TOP1: variants seen among roughly 807,000 people sequenced by gnomAD.
TOP1 encodes the protein DNA topoisomerase I.
In TOP1, 10 loss-of-function variants were observed where a neutral mutation model predicts 111.1. The observed-to-expected ratio is 0.09, with a 90% confidence interval of 0.06 to 0.15. TOP1 has a LOEUF of 0.15. Ranked by LOEUF, TOP1 falls within the 10% of genes least tolerant of loss-of-function variation. TOP1 has a pLI of 1.00. For missense variants in TOP1, 474 were observed against 926.7 expected (o/e 0.51, Z 6.34); for synonymous variants, 271 against 302.9 (o/e 0.89, Z 1.10).
At position 41,098,274 on chromosome 20, in the gene TOP1, G is replaced by C. The variant is rs2034010110; in HGVS notation, c.912G>C (p.Gln304His). ...ITNLSKCDFT[Q>H]MSQYFKAQTE... ...ACCTAAGCAAATGTGATTTTACCCA[G>C]ATGAGCCAGTATTTCAAAGCCCAGA... Residue 304 changes from glutamine to histidine, a missense_variant, in exon 11 of 21, where the codon CAG (glutamine) becomes CAC (histidine). Gln to His is a conservative substitution (Grantham distance 24). Transcript: ENST00000361337. The surrounding 1 kb of genome is among the most constrained non-coding windows in gnomAD (Gnocchi z 5.7). The C allele has an allele frequency of 1.2e-6, 2 of 1,613,966 alleles. No homozygotes were observed. Among genetic ancestry groups the C allele is most frequent in the East Asian group, 4.5e-5 (2 of 44,866 alleles).
Position 41,078,320 on chromosome 20 carries a change from G to A in TOP1, c.335+683G>A, listed in dbSNP as rs568662750. ...GTCCCCTCTAGTTTCGAAACAACTA[G>A]ATGTTTATTGTTACATATTCTCACT... is the stretch of plus-strand genomic sequence containing the variant. On this transcript the variant is annotated intron_variant, in intron 5 of 20. Transcript: ENST00000361337. The surrounding 1 kb of genome is among the most constrained non-coding windows in gnomAD (Gnocchi z 5.3). Among the ~76,000 whole-genome samples the A allele has an allele frequency of 6.6e-6, 1 of 152,146 alleles. No homozygotes were observed. Among genetic ancestry groups the A allele is most frequent in the African/African-American group, 2.4e-5 (1 of 41,424 alleles).
rs987923902 is a variant in TOP1, at chr20:41,121,439, C to T, written c.1951-257C>T. On this transcript the variant is annotated intron_variant, in intron 18 of 20. Coordinates refer to ENST00000361337, the MANE Select transcript of TOP1 (RefSeq NM_003286.4). This position sits in a 1 kb window ranked among gnomAD's most constrained non-coding sequence, Gnocchi z 4.2. ...TCAGCACCCAGATTCCCAGCCCCAG[C>T]GGGTTCCTTTCCCTGAGCCCCTAGG... 6.6e-6 allele frequency among the ~76,000 whole-genome samples: 1 copy of T among 152,226 alleles called. No homozygotes were observed. Among genetic ancestry groups the T allele is most frequent in the Non-Finnish European group, 1.5e-5 (1 of 68,032 alleles).
At chr20:41,091,826 AG>A (rs1326434757) in intron 8 of TOP1, among the ~76,000 whole-genome samples, 5 of 152,034 alleles carry the variant, frequency 3.3e-5, no homozygotes, top group Non-Finnish European at 5.9e-5. Context: ...GGCCTCCCAA[AG>A]TGCTGGGATT....
intron 3 of TOP1, among the ~76,000 whole-genome samples, chr20:41,062,688 T>C (rs1000850649): frequency 6.6e-6 from 1 of 152,200 alleles, no homozygotes; most frequent in African/African-American, 2.4e-5. Flanking sequence ...TAAATGTTTA[T>C]CCACTAACGT....
Position 41,028,878 on chromosome 20 carries a change from G to C in TOP1, c.-190G>C, listed in dbSNP as rs934545899. On this transcript the variant is annotated 5_prime_UTR_variant, in exon 1 of 21. Transcript: ENST00000361337. ...TGGGGTCTGTTCTCGCCGCCCGCCC[G>C]GCAGTCAGGCAGCGTCGCCGCCGTG... The C allele has an allele frequency of 5.4e-6, 3 of 559,926 alleles. No individual in the cohort carries two copies. Among genetic ancestry groups the C allele is most frequent in the Non-Finnish European group, 9.4e-6 (3 of 318,552 alleles). 34.7% of individuals were successfully genotyped at this position (559,926 alleles called of 1,614,324 possible). A position where few individuals can be genotyped will look rare whatever the true frequency, so the allele number is the denominator to read the frequency against.
chr20:41,121,570 G>GTTT lies in TOP1; in HGVS notation c.1951-119_1951-117dup. 1.4e-6 allele frequency: 1 copy of GTTT among 740,700 alleles called. No homozygotes were observed. Among genetic ancestry groups the GTTT allele is most frequent in the Non-Finnish European group, 2.4e-6 (1 of 421,850 alleles). 45.9% of individuals were successfully genotyped at this position (740,700 alleles called of 1,614,324 possible). On this transcript the variant is annotated intron_variant, in intron 18 of 20. Transcript: ENST00000361337. This position sits in a 1 kb window ranked among gnomAD's most constrained non-coding sequence, Gnocchi z 4.2. ...TCCCTGCCTTCATGAAGCCACCCTTGTTTTTTTTTATCTGACAAACCACTG... is the reference window on the plus strand; with the variant it reads ...TCCCTGCCTTCATGAAGCCACCCTTGTTTTTTTTTTTTATCTGACAAACCACTG...
At chr20:41,054,606 GCATGGTGCTGGCA>G (rs1423378820) in intron 2 of TOP1, among the ~76,000 whole-genome samples, 1 of 152,218 alleles carries the variant, frequency 6.6e-6, no homozygotes, top group East Asian at 1.9e-4. Context: ...AAGCACGCTA[GCATGGTGCTGGCA>G]CCCGTATTAG....
intron 3 of TOP1, among the ~76,000 whole-genome samples, chr20:41,064,631 G>C (rs1220427209): frequency 6.6e-6 from 1 of 152,086 alleles, no homozygotes; most frequent in Non-Finnish European, 1.5e-5. Flanking sequence ...CATGCTGTTG[G>C]TTCTGTAATA....
chr20:41,039,886 G>A (rs942284030), intron 2 of TOP1, among the ~76,000 whole-genome samples: 8 of 151,900 alleles, frequency 5.3e-5, no homozygotes, highest in Non-Finnish European at 8.8e-5. Context: ...CAGCCTGGGC[G>A]TCAGAGCGAG....
At chr20:41,031,803 ATAAAAAGCCACAAATCTCTATT>A (rs2033123277) in intron 2 of TOP1, among the ~76,000 whole-genome samples, 1 of 151,740 alleles carries the variant, frequency 6.6e-6, no homozygotes, top group African/African-American at 2.4e-5. Flanking sequence ...GCATGAAAAA[ATAAAAAGCCACAAATCTCTATT>A]TTCTTACAGA....
At chr20:41,087,601 T>G in intron 8 of TOP1, among the ~76,000 whole-genome samples, 1 of 152,192 alleles carries the variant, frequency 6.6e-6, no homozygotes, top group East Asian at 1.9e-4. Flanking sequence ...GGTAAGAAAT[T>G]TATGGAATAT....
Position 41,078,142 on chromosome 20 carries a change from A to G in TOP1, c.335+505A>G, listed in dbSNP as rs1460730004. ...ATATATAAAAGATCATTTGACCTAC[A>G]TGTTAGGGATGAGTGTAGATTTGGG... On this transcript the variant is annotated intron_variant, in intron 5 of 20. Transcript: ENST00000361337. The surrounding 1 kb of genome is among the most constrained non-coding windows in gnomAD (Gnocchi z 5.3). 6.6e-6 allele frequency among the ~76,000 whole-genome samples: 1 copy of G among 152,096 alleles called. No homozygotes were observed. Among genetic ancestry groups the G allele is most frequent in the Non-Finnish European group, 1.5e-5 (1 of 68,018 alleles).
At chr20:41,038,005 A>G (rs186359227) in intron 2 of TOP1, among the ~76,000 whole-genome samples, 371 of 152,320 alleles carry the variant, frequency 2.4e-3, no homozygotes, top group African/African-American at 8.6e-3. Context: ...ATGGGGAAAA[A>G]AATCTGGGAA....
At chr20:41,075,117 C>CTGT (rs531496328) in intron 3 of TOP1, among the ~76,000 whole-genome samples, 22 of 151,796 alleles carry the variant, frequency 1.4e-4, no homozygotes, top group South Asian at 1.3e-3. Flanking sequence ...TTGTTTTTTT[C>CTGT]TGTTGTTGTT....
chr20:41,067,341 G>A lies in TOP1; in HGVS notation c.155+5851G>A, dbSNP rs1369222166. Among the ~76,000 whole-genome samples the A allele has an allele frequency of 1.3e-5, 2 of 151,440 alleles. No homozygotes were observed. Reference sequence around the variant, plus strand: ...TCACCATATTGGCCAGGCTGGTCTCGAACTCCTGGCCTTGTGATCCTCCTG... The same window carrying A: ...TCACCATATTGGCCAGGCTGGTCTCAAACTCCTGGCCTTGTGATCCTCCTG... On this transcript the variant is annotated intron_variant, in intron 3 of 20. Coordinates refer to ENST00000361337, the MANE Select transcript of TOP1 (RefSeq NM_003286.4). The surrounding 1 kb of genome is among the most constrained non-coding windows in gnomAD (Gnocchi z 4.0).
intron 13 of TOP1, among the ~76,000 whole-genome samples, chr20:41,111,872 T>A (rs929265706): frequency 6.6e-6 from 1 of 152,114 alleles, no homozygotes; most frequent in African/African-American, 2.4e-5. Context: ...ATTTCTTGAA[T>A]TTTTTTCCCC....
At chr20:41,037,205 G>T (rs2033200334) in intron 2 of TOP1, among the ~76,000 whole-genome samples, 1 of 152,104 alleles carries the variant, frequency 6.6e-6, no homozygotes. Context: ...CAGAAGATGG[G>T]CTCAGAAATG....
intron 2 of TOP1, among the ~76,000 whole-genome samples, chr20:41,052,091 A>G (rs1368082477): frequency 6.6e-6 from 1 of 152,238 alleles, no homozygotes; most frequent in Non-Finnish European, 1.5e-5. Flanking sequence ...TATCTAGTAC[A>G]TGATGGACAG....
In TOP1 at chr20:41,115,571, C is replaced by CT. The variant is rs2034316045; in HGVS notation, c.1707+133dup. 1.6e-6 allele frequency: 1 copy of CT among 631,754 alleles called. No individual in the cohort carries two copies. The allele number at this position is 631,754 out of a possible 1,614,324, so 39.1% of individuals were successfully genotyped here. The stretch of plus-strand genomic sequence containing the variant: ...CCTGCTCTGTGGCATCCCATACACT[C>CT]TCTCTTCCTCCCTCTGAGTCCACGG... On this transcript the variant is annotated intron_variant, in intron 16 of 20. Coordinates refer to ENST00000361337, the MANE Select transcript of TOP1 (RefSeq NM_003286.4). This position sits in a 1 kb window ranked among gnomAD's most constrained non-coding sequence, Gnocchi z 6.3.
Sources: allele counts gnomAD v4.1 joint callset (sites outside exome capture counted in the v4.1 genomes callset), GRCh38; gene constraint gnomAD v4.1.1; non-coding constraint Gnocchi (gnomAD v3.1); transcripts MANE v1.5; gene names NCBI Gene and HGNC (gene_info 2026-07-23, HGNC 2026-07-21).